CLIP4: variants seen among roughly 807,000 people sequenced by gnomAD.
CLIP4 encodes the protein CAP-Gly domain-containing linker protein 4.
In CLIP4, 47 loss-of-function variants were observed where a neutral mutation model predicts 73.1. That is an observed-to-expected ratio of 0.64 (90% CI 0.51 to 0.82). The LOEUF is 0.82. CLIP4 is among the 40% of genes least tolerant of loss of function. The pLI, the probability that CLIP4 is intolerant of heterozygous loss-of-function variation, is 0.00. For missense variants in CLIP4, 874 were observed against 852.9 expected (o/e 1.02, Z -0.31); for synonymous variants, 306 against 295.4 (o/e 1.04, Z -0.37).
chr2:29,117,937 A>G (rs551799048), intron 1 of CLIP4, among the ~76,000 whole-genome samples: 1 of 152,350 alleles, frequency 6.6e-6, no homozygotes, highest in South Asian at 2.1e-4. Flanking sequence ...CAGGGCAGGT[A>G]TTTCAATTTT....
At position 29,105,420 on chromosome 2, in the gene CLIP4, TG is replaced by T. The variant is rs532722231; in HGVS notation, c.-16+7477del. On this transcript the variant is annotated intron_variant, in intron 1 of 14. Transcript: ENST00000401605. ...TTTCTTTAAGAGAATGTAAGAGACA[TG>T]GGGCACAAAGGTTAGGCAGGAGTTT... Among the ~76,000 whole-genome samples, 3 of 152,336 alleles carry T rather than the reference TG, an allele frequency of 2.0e-5. No individual in the cohort carries two copies. In the South Asian group the frequency reaches 6.2e-4, roughly 32 times the overall value.
chr2:29,135,352 T>C (rs1665276990), intron 5 of CLIP4, among the ~76,000 whole-genome samples, 196 bp from the exon 6 acceptor site: 1 of 152,230 alleles, frequency 6.6e-6, no homozygotes, highest in Non-Finnish European at 1.5e-5. Context: ...TGAATTTTAT[T>C]GTACTAATAA....
At chr2:29,162,742 G>A (rs1486728558) in intron 12 of CLIP4, among the ~76,000 whole-genome samples, 1 of 152,148 alleles carries the variant, frequency 6.6e-6, no homozygotes, top group East Asian at 1.9e-4. Flanking sequence ...CAGAGCGTTA[G>A]TGCAGCTTAA....
At position 29,181,756 on chromosome 2, in the gene CLIP4, G is replaced by A. The variant is rs748250148; in HGVS notation, c.1981G>A (p.Ala661Thr). ...CTGGCTTGGACTTGAGCTCCGAAGC[G>A]CCAAGGGAAAAAATGATGGGTCAGT... ...GIWLGLELRS[A>T]KGKNDGSVGD... Residue 661 changes from alanine to threonine, a missense_variant, in exon 16 of 16, where the codon GCC (alanine) becomes ACC (threonine). Ala to Thr is a moderately conservative substitution (Grantham distance 58). Coordinates refer to ENST00000320081, the MANE Select transcript of CLIP4 (RefSeq NM_024692.6). The A allele has an allele frequency of 3.2e-5, 52 of 1,613,974 alleles. No individual in the cohort carries two copies. The Middle Eastern group carries it at 4.9e-4, about 15-fold the overall frequency.
intron 2 of CLIP4, among the ~76,000 whole-genome samples, chr2:29,122,700 G>A (rs913369053): frequency 8.6e-5 from 13 of 151,884 alleles, no homozygotes; most frequent in Non-Finnish European, 1.5e-4. Flanking sequence ...GGTGGTGTGC[G>A]CCTATATTGT....
Position 29,131,213 on chromosome 2 carries a change from T to C in CLIP4, c.134-45T>C, listed in dbSNP as rs762311023. 8.5e-5 allele frequency: 120 copies of C among 1,413,020 alleles called. 1 individual carries two copies. The highest frequency in any genetic ancestry group is 7.5e-5 in the East Asian group (3 of 40,096). The allele number at this position is 1,413,020 out of a possible 1,614,324, so 87.5% of individuals were successfully genotyped here. A position where few individuals can be genotyped will look rare whatever the true frequency, so the allele number is the denominator to read the frequency against. ...TTGTTTATTATTTTCAATATATTTA[T>C]TTGAAACTTTTAGTAAATTTAATTT... is the stretch of plus-strand genomic sequence containing the variant. On this transcript the variant is annotated intron_variant, in intron 2 of 15. Coordinates refer to ENST00000320081, the MANE Select transcript of CLIP4 (RefSeq NM_024692.6).
Position 29,124,023 on chromosome 2 carries a change from T to C in CLIP4, c.133+2502T>C, listed in dbSNP as rs115499160. Among the ~76,000 whole-genome samples the C allele has an allele frequency of 7.3e-3, 1,119 of 152,302 alleles. 12 individuals are homozygous for C. The highest frequency in any genetic ancestry group is 0.025 in the African/African-American group (1,053 of 41,548). On this transcript the variant is annotated intron_variant, in intron 2 of 15. Transcript: ENST00000320081. ...TATATATTTTGCTTAAACATTGAATTATCTGTTAAATTTAAATAATATAAA... is the reference window on the plus strand; with the variant it reads ...TATATATTTTGCTTAAACATTGAATCATCTGTTAAATTTAAATAATATAAA...
At chr2:29,174,927 T>C (rs11883574) in intron 15 of CLIP4, among the ~76,000 whole-genome samples, 6 of 152,316 alleles carry the variant, frequency 3.9e-5, no homozygotes, top group Non-Finnish European at 7.4e-5. Context: ...TTTCTCTTTT[T>C]CATTTTTGTT....
intron 2 of CLIP4, among the ~76,000 whole-genome samples, chr2:29,125,539 A>C (rs1664543117): frequency 1.3e-5 from 2 of 151,698 alleles, no homozygotes; most frequent in African/African-American, 4.8e-5. Flanking sequence ...TGTCTCTTCA[A>C]CTCAGCGAGT....
chr2:29,151,720 T>A (rs757648435), intron 8 of CLIP4, among the ~76,000 whole-genome samples: 24 of 152,316 alleles, frequency 1.6e-4, no homozygotes, highest in Non-Finnish European at 2.8e-4. Context: ...TTAGTCATAA[T>A]GTATATTTGC....
At chr2:29,159,576 GTGGCTCATGCCTGT>G (rs1451542136) in intron 11 of CLIP4, among the ~76,000 whole-genome samples, 1 of 151,616 alleles carries the variant, frequency 6.6e-6, no homozygotes, top group Non-Finnish European at 1.5e-5. Context: ...GCTGGTCACA[GTGGCTCATGCCTGT>G]TATCTTAGCA....
intron 4 of CLIP4, 77 bp from the exon 5 acceptor site, chr2:29,133,578 A>T: frequency 1.4e-6 from 2 of 1,420,480 alleles, no homozygotes; most frequent in Non-Finnish European, 9.6e-7. Context: ...TTGGCTTTTT[A>T]AATGAGGCAA....
At position 29,144,013 on chromosome 2, in the gene CLIP4, G is replaced by GACAA. The variant is rs34100808; in HGVS notation, c.885+68_885+69insACAA. On this transcript the variant is annotated intron_variant, in intron 7 of 15. Coordinates refer to ENST00000320081, the MANE Select transcript of CLIP4 (RefSeq NM_024692.6). Reference sequence around the variant, plus strand: ...TCCATGACCTATGTTCAAGGACACAGTATGGTCAGAGTTTTGAGTTTTTGA... The same window carrying GACAA: ...TCCATGACCTATGTTCAAGGACACAGACAATATGGTCAGAGTTTTGAGTTTTTGA... 63 of 1,336,602 alleles carry GACAA rather than the reference G, an allele frequency of 4.7e-5. 1 individual carries two copies. The African/African-American group carries it at 8.8e-4, about 19-fold the overall frequency. The allele number at this position is 1,336,602 out of a possible 1,614,324, so 82.8% of individuals were successfully genotyped here.
At chr2:29,158,428 TA>T (rs955101308) in intron 11 of CLIP4, among the ~76,000 whole-genome samples, 12 of 152,168 alleles carry the variant, frequency 7.9e-5, no homozygotes, top group Admixed American at 5.2e-4. Flanking sequence ...ATTTACCATT[TA>T]AAAAAATAAA....
At chr2:29,146,492 A>G (rs186987770) in intron 8 of CLIP4, among the ~76,000 whole-genome samples, 27 of 152,338 alleles carry the variant, frequency 1.8e-4, no homozygotes, top group African/African-American at 2.2e-4. Flanking sequence ...TGACATGTTT[A>G]GGTAAATTTA....
intron 13 of CLIP4, among the ~76,000 whole-genome samples, chr2:29,164,947 T>A (rs1667510678): frequency 6.6e-6 from 1 of 152,248 alleles, no homozygotes; most frequent in Admixed American, 6.5e-5. Flanking sequence ...GTTGTTTCAT[T>A]TGATCCTAAT....
In CLIP4 at chr2:29,182,912, A is replaced by G. The variant is rs1177429784; in HGVS notation, c.*1019A>G. 3 of 152,674 alleles carry G rather than the reference A, an allele frequency of 2.0e-5. No homozygotes were observed. The highest frequency in any genetic ancestry group is 7.2e-5 in the African/African-American group (3 of 41,470). The allele number at this position is 152,674 out of a possible 1,614,324, so 9.5% of individuals were successfully genotyped here. On this transcript the variant is annotated 3_prime_UTR_variant, in exon 16 of 16. Coordinates refer to ENST00000320081, the MANE Select transcript of CLIP4 (RefSeq NM_024692.6). ...AATAAAGATATATCAGGAAGGATGT[A>G]TTAGTTATTTACTTAAATGTTTATA... is the stretch of plus-strand genomic sequence containing the variant.
rs1237149269 is a variant in CLIP4, at chr2:29,131,546, G to A, written c.273+149G>A. The A allele has an allele frequency of 7.2e-5, 55 of 759,780 alleles. No homozygotes were observed. The South Asian group carries it at 1.1e-3, about 16-fold the overall frequency. The allele number at this position is 759,780 out of a possible 1,614,324, so 47.1% of individuals were successfully genotyped here. Reference sequence around the variant, plus strand: ...GTATTTCCAGGATTTTCATGGGGCAGTGAGTTAATACTATATATTCTTCTG... The same window carrying A: ...GTATTTCCAGGATTTTCATGGGGCAATGAGTTAATACTATATATTCTTCTG... On this transcript the variant is annotated intron_variant, in intron 3 of 15. Transcript: ENST00000320081.
intron 2 of CLIP4, among the ~76,000 whole-genome samples, chr2:29,123,294 G>A (rs1021533791): frequency 6.6e-6 from 1 of 152,122 alleles, no homozygotes; most frequent in Non-Finnish European, 1.5e-5. Context: ...CTTGAAAAGC[G>A]GCATATATAA....
Sources: gnomAD v4.1 joint callset for allele counts (sites outside exome capture counted in the v4.1 genomes callset) on GRCh38, gnomAD v4.1.1 for gene constraint, MANE v1.5 for transcripts, NCBI Gene and HGNC (gene_info 2026-07-23, HGNC 2026-07-21) for gene names.